Variants in P2RX5 observed in about 807,000 individuals in gnomAD.
P2RX5 encodes P2X purinoceptor 5.
P2RX5 carries 46 observed loss-of-function variants against 54.1 expected under a neutral mutation model. The observed-to-expected ratio is 0.85, with a 90% confidence interval of 0.67 to 1.09. The LOEUF (loss-of-function observed/expected upper bound fraction) is 1.09, where lower values mean the gene tolerates loss of function less well. P2RX5 is among the 50% of genes least tolerant of loss of function. P2RX5 has a pLI of 0.00. For synonymous variants in P2RX5, 226 were observed against 226.4 expected (o/e 1.00, Z 0.02); for missense variants, 566 against 549.8 (o/e 1.03, Z -0.29).
rs1245711151 is a variant in P2RX5, at chr17:3,685,718, T to TCCCCCCG, written c.981+2293_981+2294insCGGGGGG. 7.6e-3 allele frequency: 138 copies of TCCCCCCG among 18,258 alleles called. 1 individual carries two copies. Among genetic ancestry groups the TCCCCCCG allele is most frequent in the African/African-American group, 0.013 (135 of 10,070 alleles). 1.1% of individuals were successfully genotyped at this position (18,258 alleles called of 1,614,324 possible). A position where few individuals can be genotyped will look rare whatever the true frequency, so the allele number is the denominator to read the frequency against. On this transcript the variant is annotated intron_variant, in intron 9 of 11. Coordinates refer to ENST00000225328, the MANE Select transcript of P2RX5 (RefSeq NM_002561.4). Reference sequence around the variant, plus strand: ...CCCAGGGACCCTCCCAACGTCCCCCTCCCAGCCTGAGAACAGGAGAACGCA... The same window carrying TCCCCCCG: ...CCCAGGGACCCTCCCAACGTCCCCCTCCCCCCGCCCAGCCTGAGAACAGGAGAACGCA...
chr17:3,723,673 G>C, the P2RX5 span: 2 of 1,578,518 alleles, frequency 1.3e-6, no homozygotes, highest in African/African-American at 1.3e-5. Flanking sequence ...GGCCTCTCGG[G>C]ACGGCCGCGC....
chr17:3,696,740 G>A (rs2050766513), upstream of P2RX5, among the ~76,000 whole-genome samples: 1 of 152,116 alleles, frequency 6.6e-6, no homozygotes. Context: ...GCGCACGGCC[G>A]GGAAGAGCTC....
At chr17:3,678,975 C>T (rs1219287569) in intron 11 of P2RX5, among the ~76,000 whole-genome samples, 2 of 152,212 alleles carry the variant, frequency 1.3e-5, no homozygotes, top group Non-Finnish European at 2.9e-5. Context: ...CCCCAGGAAT[C>T]GCGGCCCAAG....
chr17:3,711,370 C>CTTTTTTTTTTTTTTT, the P2RX5 span, among the ~76,000 whole-genome samples: 98 of 63,090 alleles, frequency 1.6e-3, 18 homozygotes, highest in African/African-American at 2.8e-3. Context: ...AGCACTCATT[C>CTTTTTTTTTTTTTTT]TTTTTTTTTT....
At chr17:3,674,778 C>G (rs2050064011) in intron 11 of P2RX5, among the ~76,000 whole-genome samples, 2 of 152,208 alleles carry the variant, frequency 1.3e-5, no homozygotes, top group Admixed American at 1.3e-4. Context: ...TATAACCTTT[C>G]AGATTTCAAC....
the P2RX5 span, chr17:3,718,091 G>C: frequency 6.6e-6 from 1 of 152,274 alleles, no homozygotes; most frequent in Admixed American, 6.5e-5. Flanking sequence ...ACTACTGTTT[G>C]CAGCAAACAC....
chr17:3,685,712 T>A (rs1477158695), intron 9 of P2RX5: 3 of 21,064 alleles, frequency 1.4e-4, no homozygotes, highest in African/African-American at 1.5e-4. Context: ...CCTCCCAACG[T>A]CCCCCTCCCA....
upstream of P2RX5, among the ~76,000 whole-genome samples, chr17:3,699,880 AGGAAGGAAGGAAGGAAGG>A: frequency 1.9e-5 from 1 of 52,680 alleles, no homozygotes; most frequent in East Asian, 4.2e-4. Flanking sequence ...AAAGAAAGGA[AGGAAGGAAGGAAGGAAGG>A]AAGGAAGGAA....
chr17:3,723,572 TG>T, the P2RX5 span: 2 of 1,186,452 alleles, frequency 1.7e-6, no homozygotes, highest in Non-Finnish European at 2.4e-6. Context: ...AGGGAGGGCC[TG>T]GCAGCCCCCG....
Position 3,690,971 on chromosome 17 carries a change from C to G in P2RX5, c.345G>C (p.Gln115His). The change falls in exon 3 of 12, where the codon CAG becomes CAC. Residue 115 changes from glutamine (Q) to histidine (H), a missense_variant. By Grantham distance (24) the Gln-to-His change is conservative. Transcript: ENST00000225328. ...CAAATCAAACCTCAGCACAGACGTT[C>G]TGCCGCTGGTTGGGGGTCACAATCA... is the stretch of plus-strand genomic sequence containing the variant. ...TNLIVTPNQR[Q>H]NVCAENEGIP... The G allele has an allele frequency of 7.1e-6, 11 of 1,560,230 alleles. No homozygotes were observed. Among genetic ancestry groups the G allele is most frequent in the Non-Finnish European group, 9.6e-6 (11 of 1,149,478 alleles).
intron 2 of P2RX5, among the ~76,000 whole-genome samples, 173 bp from the exon 3 acceptor site, chr17:3,691,200 A>G (rs921624968): frequency 5.9e-5 from 9 of 152,190 alleles, no homozygotes; most frequent in Non-Finnish European, 1.2e-4. Context: ...CCCCAGGTAG[A>G]TGTCCATTGA....
At chr17:3,718,156 A>T in the P2RX5 span, 1 of 151,062 alleles carries the variant, frequency 6.6e-6, no homozygotes, top group Admixed American at 6.5e-5. Flanking sequence ...TTCAGGAATC[A>T]TCGTTGGTCT....
intron 11 of P2RX5, chr17:3,675,449 GCCT>G (rs1320473985): frequency 1.0e-6 from 1 of 985,234 alleles, no homozygotes; most frequent in African/African-American, 1.7e-5. Flanking sequence ...CATGACCCCT[GCCT>G]TTTTTGCTTC....
At chr17:3,716,329 G>A in the P2RX5 span, among the ~76,000 whole-genome samples, 1 of 152,138 alleles carries the variant, frequency 6.6e-6, no homozygotes, top group African/African-American at 2.4e-5. Flanking sequence ...CTGTTTTAAG[G>A]CCTTACCGTT....
chr17:3,714,761 C>A, the P2RX5 span: 1 of 749,222 alleles, frequency 1.3e-6, no homozygotes, highest in South Asian at 1.6e-5. Flanking sequence ...TGCTCTAGAT[C>A]ATCCTGAAGG....
Position 3,693,144 on chromosome 17 carries a change from A to AG in P2RX5, c.138-1351_138-1350insC, listed in dbSNP as rs200933135. ...ACATTTCTCAAAAAAAAAAAAAAAA[A>AG]AGAGAGAGAGAGATACACAAATGCC... On this transcript the variant is annotated intron_variant, in intron 1 of 11. Coordinates refer to ENST00000225328, the MANE Select transcript of P2RX5 (RefSeq NM_002561.4). 1.5e-3 allele frequency among the ~76,000 whole-genome samples: 228 copies of AG among 151,282 alleles called. 1 individual carries two copies. Among genetic ancestry groups the AG allele is most frequent in the East Asian group, 7.8e-3 (40 of 5,158 alleles).
At chr17:3,707,239 G>C in the P2RX5 span, among the ~76,000 whole-genome samples, 1 of 152,152 alleles carries the variant, frequency 6.6e-6, no homozygotes, top group Non-Finnish European at 1.5e-5. Flanking sequence ...TGTAGAATTC[G>C]ACTTTTCTGT....
At chr17:3,683,169 C>T (rs1447688223) in intron 9 of P2RX5, among the ~76,000 whole-genome samples, 1 of 152,122 alleles carries the variant, frequency 6.6e-6, no homozygotes, top group African/African-American at 2.4e-5. Flanking sequence ...AGGGAGACTC[C>T]ACCCACAGCA....
In P2RX5 at chr17:3,695,966, A is replaced by T. The variant is rs376017027; in HGVS notation, c.40T>A (p.Phe14Ile). The T allele has an allele frequency of 1.9e-5, 30 of 1,614,074 alleles. 1 individual carries two copies. In the African/African-American group the frequency reaches 2.3e-4, roughly 12 times the overall value. The change falls in exon 1 of 12, where the codon TTC becomes ATC. Residue 14 changes from phenylalanine to isoleucine, a missense_variant. By Grantham distance (21) the Phe-to-Ile change is conservative (BLOSUM62 0). Transcript: ENST00000225328. ...ACATACTTCTCGGTCTTGTAGTCGA[A>T]CAGCGACAGGCAGAGCCCCTTGCAG... is the stretch of plus-strand genomic sequence containing the variant. ...AGCKGLCLSL[F>I]DYKTEKYVIA...
Sources: gnomAD v4.1 joint callset for allele counts (sites outside exome capture counted in the v4.1 genomes callset) on GRCh38, gnomAD v4.1.1 for gene constraint, MANE v1.5 for transcripts, NCBI Gene and HGNC (gene_info 2026-07-23, HGNC 2026-07-21) for gene names.